The following CDIN1 variants were observed in gnomAD, a reference collection of about 807,000 sequenced individuals.
CDIN1 encodes CDAN1-interacting nuclease 1.
A neutral mutation model predicts 45.3 loss-of-function variants in CDIN1; 33 were observed. The ratio of observed to expected loss-of-function variants is 0.73; its 90% confidence interval spans 0.55 to 0.97. The LOEUF (loss-of-function observed/expected upper bound fraction) is 0.97. Ranked by LOEUF, CDIN1 falls within the 50% of genes least tolerant of loss-of-function variation. CDIN1 has a pLI of 0.00. For synonymous variants in CDIN1, 118 were observed against 124.4 expected, an observed-to-expected ratio of 0.95 and a Z score of 0.34; for missense variants, 303 against 339.4, an observed-to-expected ratio of 0.89 and a Z score of 0.84.
intron 10 of CDIN1, among the ~76,000 whole-genome samples, chr15:36,790,546 TAGAA>T (rs1474234440): frequency 2.0e-5 from 3 of 152,206 alleles, no homozygotes; most frequent in Admixed American, 1.3e-4. Flanking sequence ...TCCCAACACA[TAGAA>T]AGAAATACTT....
chr15:36,691,620 A>T (rs2042253627), intron 5 of CDIN1, 65 bp from the exon 6 acceptor site: 1 of 1,006,364 alleles, frequency 9.9e-7, no homozygotes, highest in Admixed American at 2.1e-5. Context: ...GATATATGTC[A>T]CTCCTCATGT....
intron 10 of CDIN1, among the ~76,000 whole-genome samples, chr15:36,754,477 C>T (rs1295556288): frequency 6.7e-6 from 1 of 149,546 alleles, no homozygotes; most frequent in Non-Finnish European, 1.5e-5. Context: ...TTTTATGGGG[C>T]AGCTATTGGG....
At chr15:36,609,134 C>T (rs2038526127) in intron 1 of CDIN1, among the ~76,000 whole-genome samples, 1 of 152,168 alleles carries the variant, frequency 6.6e-6, no homozygotes, top group Non-Finnish European at 1.5e-5. Flanking sequence ...CCTCAGCCTC[C>T]TGAGTAGCCT....
Position 36,579,662 on chromosome 15 carries a change from C to A in CDIN1, c.-199C>A, listed in dbSNP as rs116835348. The A allele has an allele frequency of 7.4e-6, 4 of 537,694 alleles. No individual in the cohort carries two copies. Among genetic ancestry groups the A allele is most frequent in the South Asian group, 4.8e-5 (2 of 41,920 alleles). The allele number at this position is 537,694 out of a possible 1,614,324, so 33.3% of individuals were successfully genotyped here. On this transcript the variant is annotated 5_prime_UTR_variant, in exon 1 of 11. Coordinates refer to ENST00000566621, the MANE Select transcript of CDIN1 (RefSeq NM_001321759.2). ...CAGCCAGTCCCCGCCGCGGAGGTGCCGGTGGAGCCTGGGACCGGGCGAGTC... is the reference window on the plus strand; with the variant it reads ...CAGCCAGTCCCCGCCGCGGAGGTGCAGGTGGAGCCTGGGACCGGGCGAGTC...
intron 10 of CDIN1, among the ~76,000 whole-genome samples, chr15:36,772,031 C>A (rs1223152400): frequency 2.0e-5 from 3 of 151,952 alleles, no homozygotes; most frequent in African/African-American, 7.3e-5. Context: ...AATCTGTCAA[C>A]AGACCAGAAG....
At chr15:36,744,767 C>T (rs2044361435) in intron 10 of CDIN1, among the ~76,000 whole-genome samples, 1 of 152,114 alleles carries the variant, frequency 6.6e-6, no homozygotes, top group Admixed American at 6.5e-5. Context: ...TGAAAATGGC[C>T]TTCAACTATA....
chr15:36,703,680 C>A (rs1174806846), intron 8 of CDIN1, among the ~76,000 whole-genome samples: 1 of 152,012 alleles, frequency 6.6e-6, no homozygotes, highest in Non-Finnish European at 1.5e-5. Context: ...TGAATTGAAT[C>A]CTTTGGTCCT....
At chr15:36,706,198 A>G (rs1388677235) in intron 8 of CDIN1, 1 of 152,216 alleles carries the variant, frequency 6.6e-6, no homozygotes, top group Non-Finnish European at 1.5e-5. Flanking sequence ...AGATATATAT[A>G]TCAACAGATC....
At chr15:36,792,983 C>T (rs1198748313) in intron 10 of CDIN1, among the ~76,000 whole-genome samples, 1 of 152,098 alleles carries the variant, frequency 6.6e-6, no homozygotes, top group African/African-American at 2.4e-5. Context: ...TGAAAGTCCC[C>T]CTGATCTTTC....
intron 10 of CDIN1, among the ~76,000 whole-genome samples, chr15:36,804,829 C>T (rs559740059): frequency 2.0e-5 from 3 of 151,756 alleles, no homozygotes; most frequent in South Asian, 2.1e-4. Context: ...AGCACCACCA[C>T]GCCTGGCTAA....
chr15:36,781,357 C>T (rs569756803), intron 10 of CDIN1, among the ~76,000 whole-genome samples: 4 of 152,260 alleles, frequency 2.6e-5, no homozygotes, highest in African/African-American at 9.6e-5. Context: ...TCTGAGATTA[C>T]GGCCTTTTCA....
chr15:36,633,257 G>A (rs536360282), intron 1 of CDIN1, among the ~76,000 whole-genome samples: 12 of 152,142 alleles, frequency 7.9e-5, no homozygotes, highest in East Asian at 5.8e-4. Context: ...ACTGTTATAC[G>A]TTTTCTTTTC....
intron 5 of CDIN1, among the ~76,000 whole-genome samples, chr15:36,658,787 AT>A (rs1189561003): frequency 6.6e-6 from 1 of 152,052 alleles, no homozygotes; most frequent in Admixed American, 6.6e-5. Flanking sequence ...TTGGATTTTT[AT>A]TTTTTTATAT....
chr15:36,731,466 AG>A (rs776823557), intron 10 of CDIN1, among the ~76,000 whole-genome samples: 147 of 152,250 alleles, frequency 9.7e-4, no homozygotes, highest in Non-Finnish European at 1.8e-3. Flanking sequence ...ATCTTTTTGA[AG>A]TTTTATTAGC....
At chr15:36,789,094 A>G (rs914624613) in intron 10 of CDIN1, among the ~76,000 whole-genome samples, 3 of 152,222 alleles carry the variant, frequency 2.0e-5, no homozygotes, top group Non-Finnish European at 2.9e-5. Flanking sequence ...ATGTTTTAAG[A>G]AAGTTTACGA....
chr15:36,612,912 C>T (rs1566832880), intron 1 of CDIN1, among the ~76,000 whole-genome samples: 1 of 152,164 alleles, frequency 6.6e-6, no homozygotes, highest in Non-Finnish European at 1.5e-5. Context: ...GTCGATATCT[C>T]TTAAAAAGGT....
At chr15:36,763,693 T>C (rs917559095) in intron 10 of CDIN1, among the ~76,000 whole-genome samples, 3 of 152,146 alleles carry the variant, frequency 2.0e-5, no homozygotes, top group Non-Finnish European at 4.4e-5. Flanking sequence ...TCAGGGAGCT[T>C]GAGAGTTGGC....
chr15:36,711,817 A>G (rs1232779828), intron 10 of CDIN1, among the ~76,000 whole-genome samples: 2 of 152,168 alleles, frequency 1.3e-5, no homozygotes, highest in Non-Finnish European at 2.9e-5. Flanking sequence ...TGCAAGTTCA[A>G]AAAGGAACAT....
rs2055345872 is a variant in CDIN1 at position 36,809,977 on chromosome 15, C to A, written c.*1524C>A. The stretch of plus-strand genomic sequence containing the variant: ...CAAACTTCTGTTTCAGTATAAAATT[C>A]ATCATGCAGGCTTCTGAGTGAAATA... On this transcript the variant is annotated 3_prime_UTR_variant, in exon 11 of 11. Transcript: ENST00000566621. 6.6e-6 allele frequency: 1 copy of A among 151,996 alleles called. No homozygotes were observed. Among genetic ancestry groups the A allele is most frequent in the Non-Finnish European group, 1.5e-5 (1 of 67,996 alleles). 9.4% of individuals were successfully genotyped at this position (151,996 alleles called of 1,614,324 possible).
Sources: gnomAD v4.1 joint callset for allele counts (sites outside exome capture counted in the v4.1 genomes callset) on GRCh38, gnomAD v4.1.1 for gene constraint, MANE v1.5 for transcripts, NCBI Gene and HGNC (gene_info 2026-07-23, HGNC 2026-07-21) for gene names.